Variants in MTM1 observed in about 807,000 individuals in gnomAD.
The protein encoded by MTM1 is myotubularin 1, also known as myotubularin.
MTM1 carries 9 observed loss-of-function variants against 52.1 expected under a neutral mutation model. That is an observed-to-expected ratio of 0.17 (90% confidence interval 0.10 to 0.30). MTM1 has a LOEUF of 0.30. MTM1 is among the 10% of genes least tolerant of loss of function. The pLI, the probability that MTM1 is intolerant of heterozygous loss-of-function variation, is 1.00. For missense variants in MTM1, 277 were observed against 470.7 expected (o/e 0.59, Z 3.81); for synonymous variants, 136 against 163.8 (o/e 0.83, Z 1.29).
intron 6 of MTM1, among the ~76,000 whole-genome samples, chrX:150,638,621 C>T: frequency 9.0e-6 from 1 of 111,169 alleles, no homozygotes. Context: ...TGTACCTGAT[C>T]AATTGCTAAT....
At chrX:150,625,915 T>A (rs1016579403) in intron 6 of MTM1, among the ~76,000 whole-genome samples, 3 of 112,736 alleles carry the variant, frequency 2.7e-5, no homozygotes, top group Admixed American at 1.9e-4. Context: ...GCACAGCCTT[T>A]GCTGTGGAGA....
chrX:150,610,405 G>C (rs1603144127), intron 4 of MTM1, among the ~76,000 whole-genome samples: 1 of 91,441 alleles, frequency 1.1e-5, no homozygotes, highest in African/African-American at 3.4e-5. Flanking sequence ...CAGACAGACA[G>C]AGACAGAGAG....
At chrX:150,609,561 C>T (rs1286584942) in intron 4 of MTM1, among the ~76,000 whole-genome samples, 2 of 111,492 alleles carry the variant, frequency 1.8e-5, no homozygotes, top group Non-Finnish European at 3.8e-5. Context: ...CAGCCATCTC[C>T]TGGGTATCTG....
At chrX:150,633,367 T>C (rs2039701154) in intron 6 of MTM1, among the ~76,000 whole-genome samples, 1 of 112,075 alleles carries the variant, frequency 8.9e-6, no homozygotes, top group South Asian at 3.7e-4. Context: ...TTTTGTCAGG[T>C]TTTTGGAATA....
intron 5 of MTM1, 45 bp downstream of exon 5, chrX:150,614,744 G>A (rs782275530): frequency 1.5e-6 from 1 of 686,190 alleles, no homozygotes; most frequent in Non-Finnish European, 2.3e-6. Flanking sequence ...AGGCACGTTA[G>A]TGTTGAATGA....
rs190034691 is a variant in MTM1 at position 150,583,001 on chromosome X, T to C, written c.-10-9604T>C. Among the ~76,000 whole-genome samples, 130 of 95,695 alleles carry C rather than the reference T, an allele frequency of 1.4e-3. 1 individual carries two copies. Among genetic ancestry groups the C allele is most frequent in the African/African-American group, 4.9e-3 (127 of 26,172 alleles). The allele number at this position is 95,695 out of a possible 115,157, so 83.1% of individuals were successfully genotyped here. A position where few individuals can be genotyped will look rare whatever the true frequency, so the allele number is the denominator to read the frequency against. On this transcript the variant is annotated intron_variant, in intron 1 of 14. Coordinates refer to ENST00000370396, the MANE Select transcript of MTM1 (RefSeq NM_000252.3). ...TATCCATCTTCTCCAGATACTTTGATTTAAATATATAAATATAAATACATA... is the reference window on the plus strand; with the variant it reads ...TATCCATCTTCTCCAGATACTTTGACTTAAATATATAAATATAAATACATA...
At chrX:150,635,733 C>T (rs1569565480) in intron 6 of MTM1, among the ~76,000 whole-genome samples, 1 of 112,201 alleles carries the variant, frequency 8.9e-6, no homozygotes, top group Non-Finnish European at 1.9e-5. Context: ...GGTCCTCGTA[C>T]TTTCAAGTTC....
intron 14 of MTM1, among the ~76,000 whole-genome samples, chrX:150,665,911 C>T (rs1277356793): frequency 2.7e-5 from 3 of 112,134 alleles, no homozygotes; most frequent in African/African-American, 9.7e-5. Context: ...TCATACGGTA[C>T]TCTAGGAACC....
At chrX:150,647,194 A>AATATATATATAT (rs59931479) in intron 9 of MTM1, among the ~76,000 whole-genome samples, 1,624 of 83,653 alleles carry the variant, frequency 0.019, 52 homozygotes, top group African/African-American at 0.057. Context: ...TTTCAGGGTG[A>AATATATATATAT]ATATATATAT....
intron 1 of MTM1, among the ~76,000 whole-genome samples, chrX:150,583,775 AAT>A (rs782637166): frequency 0.06 from 2,926 of 48,659 alleles, 344 homozygotes; most frequent in Non-Finnish European, 0.068. Context: ...ATATATATTT[AAT>A]ATATAAAATA....
intron 1 of MTM1, among the ~76,000 whole-genome samples, chrX:150,580,895 CTAAT>C (rs782752782): frequency 3.4e-4 from 38 of 111,848 alleles, no homozygotes; most frequent in African/African-American, 1.2e-3. Flanking sequence ...CAAGTTAGGA[CTAAT>C]TAAGATGTAT....
chrX:150,662,901 G>C (rs782584078), intron 13 of MTM1, among the ~76,000 whole-genome samples: 5 of 111,186 alleles, frequency 4.5e-5, no homozygotes, highest in African/African-American at 1.6e-4. Context: ...CTTAGACTTC[G>C]TGTAGTCAGT....
rs782644826 is a variant in MTM1 at position 150,613,879 on chromosome X, G to C, written c.232-710G>C. 2.0e-4 allele frequency among the ~76,000 whole-genome samples: 23 copies of C among 112,223 alleles called. No homozygotes were observed. The East Asian group carries it at 5.6e-3, about 27-fold the overall frequency. ...ACCCAGCGTTGGATAGCAAATGATG[G>C]AGAAGCCTTGCTGTGCATTAAGGCC... On this transcript the variant is annotated intron_variant, in intron 4 of 14. Coordinates refer to ENST00000370396, the MANE Select transcript of MTM1 (RefSeq NM_000252.3).
intron 4 of MTM1, among the ~76,000 whole-genome samples, chrX:150,604,638 G>A (rs2039123560): frequency 9.0e-6 from 1 of 110,760 alleles, no homozygotes; most frequent in Non-Finnish European, 1.9e-5. Context: ...CATCACATTT[G>A]CCTCATCCTT....
chrX:150,652,654 T>TACACAC (rs1362808073), intron 10 of MTM1, among the ~76,000 whole-genome samples: 4 of 44,694 alleles, frequency 8.9e-5, no homozygotes, highest in African/African-American at 3.5e-4. Flanking sequence ...TGTGTATATA[T>TACACAC]ATATACACAC....
At chrX:150,576,628 C>T (rs1412809471) in intron 1 of MTM1, among the ~76,000 whole-genome samples, 2 of 111,611 alleles carry the variant, frequency 1.8e-5, no homozygotes, top group Non-Finnish European at 3.8e-5. Context: ...CATCTCTGAC[C>T]AGGTATTCTG....
At position 150,646,937 on chromosome X, in the gene MTM1, C is replaced by A. The variant is rs1197924018; in HGVS notation, c.867+1066C>A. ...CATTATTTGTGCACAGATCTTCTGT[C>A]CTACACATTTAATCCTGGGCCACCT... On this transcript the variant is annotated intron_variant, in intron 9 of 14. Transcript: ENST00000370396. Among the ~76,000 whole-genome samples the A allele has an allele frequency of 5.4e-5, 6 of 111,379 alleles. No homozygotes were observed. In the East Asian group the frequency reaches 1.7e-3, roughly 31 times the overall value.
chrX:150,631,688 A>AC (rs1222052547), intron 6 of MTM1, among the ~76,000 whole-genome samples: 2 of 109,073 alleles, frequency 1.8e-5, no homozygotes, highest in African/African-American at 6.6e-5. Context: ...AAAAAAAAAA[A>AC]AAAACAAATA....
At chrX:150,651,683 A>G (rs782718150) in intron 10 of MTM1, among the ~76,000 whole-genome samples, 75 of 111,408 alleles carry the variant, frequency 6.7e-4, no homozygotes, top group African/African-American at 2.4e-3. Context: ...ATAGAGACTT[A>G]ACACAGAGAT....
Sources: allele counts gnomAD v4.1 joint callset (sites outside exome capture counted in the v4.1 genomes callset), GRCh38; gene constraint gnomAD v4.1.1; transcripts MANE v1.5; gene names NCBI Gene and HGNC (gene_info 2026-07-23, HGNC 2026-07-21).